Variants in FARS2 observed in about 807,000 individuals in gnomAD.
FARS2 encodes the protein phenylalanine--tRNA ligase, mitochondrial.
Under a neutral mutation model 46.4 loss-of-function variants are expected in FARS2, and 40 were observed. That is an observed-to-expected ratio of 0.86 (90% confidence interval 0.67 to 1.12). The LOEUF (loss-of-function observed/expected upper bound fraction) is 1.12, where lower values mean the gene tolerates loss of function less well. Among genes scored for constraint, FARS2 ranks in the 50% most tolerant of loss-of-function variants. FARS2 has a pLI of 0.00. For missense variants in FARS2, 513 were observed against 567.9 expected (o/e 0.90, Z 0.98); for synonymous variants, 234 against 214.9 (o/e 1.09, Z -0.78).
chr6:5,482,262 C>A (rs1237142715), intron 4 of FARS2, among the ~76,000 whole-genome samples: 2 of 152,072 alleles, frequency 1.3e-5, no homozygotes, highest in African/African-American at 4.8e-5. Context: ...TCCATATTAT[C>A]TTTCAATTAT....
rs138849019 is a variant in FARS2 at position 5,402,919 on chromosome 6, C to T, written c.613-1623C>T. 2.7e-4 allele frequency among the ~76,000 whole-genome samples: 41 copies of T among 152,274 alleles called. No homozygotes were observed. In the East Asian group the frequency reaches 6.6e-3, roughly 24 times the overall value. On this transcript the variant is annotated intron_variant, in intron 2 of 6. Transcript: ENST00000274680. ...ACCTTAGCACCTCACTCATTCTCCT[C>T]TCTTTCTCTTATTTTTTCCAGCTTG... is the stretch of plus-strand genomic sequence containing the variant.
intron 6 of FARS2, among the ~76,000 whole-genome samples, chr6:5,715,089 G>A (rs1759414744): frequency 6.6e-6 from 1 of 152,002 alleles, no homozygotes; most frequent in Non-Finnish European, 1.5e-5. Flanking sequence ...ACACTCTTCT[G>A]TGTGCCTTAA....
At chr6:5,657,308 G>C (rs1166053995) in intron 6 of FARS2, among the ~76,000 whole-genome samples, 2 of 152,188 alleles carry the variant, frequency 1.3e-5, no homozygotes, top group Admixed American at 6.5e-5. Context: ...ACGAGGGCCT[G>C]TGAGTTTAAA....
At chr6:5,408,931 G>A (rs1026337786) in intron 3 of FARS2, among the ~76,000 whole-genome samples, 1 of 152,138 alleles carries the variant, frequency 6.6e-6, no homozygotes, top group African/African-American at 2.4e-5. Flanking sequence ...CCATGTGCTG[G>A]CCTCTGTATA....
rs183859013 is a variant in FARS2, at chr6:5,753,008, A to T, written c.1218-18283A>T. On this transcript the variant is annotated intron_variant, in intron 6 of 6. Transcript: ENST00000274680. Reference sequence around the variant, plus strand: ...GACCCTCCCAGCTCTCAGTTTCCTGATTGTTACTGTAAGCGTAATGCTCTG... The same window carrying T: ...GACCCTCCCAGCTCTCAGTTTCCTGTTTGTTACTGTAAGCGTAATGCTCTG... 1.3e-3 allele frequency among the ~76,000 whole-genome samples: 195 copies of T among 152,236 alleles called. 2 individuals carry two copies. The highest frequency in any genetic ancestry group is 4.6e-3 in the African/African-American group (191 of 41,536).
intron 6 of FARS2, among the ~76,000 whole-genome samples, chr6:5,674,407 G>C (rs909146874): frequency 6.6e-6 from 1 of 152,024 alleles, no homozygotes; most frequent in African/African-American, 2.4e-5. Flanking sequence ...GGGATATTAA[G>C]AGAAAGACTT....
chr6:5,384,822 A>G (rs1760016129), intron 2 of FARS2, among the ~76,000 whole-genome samples: 1 of 151,580 alleles, frequency 6.6e-6, no homozygotes, highest in Admixed American at 6.6e-5. Context: ...CCACCAATGT[A>G]TTTTTGTAGC....
At chr6:5,281,000 T>C (rs1422814995) in intron 1 of FARS2, among the ~76,000 whole-genome samples, 3 of 152,244 alleles carry the variant, frequency 2.0e-5, no homozygotes, top group Admixed American at 6.5e-5. Flanking sequence ...TGGCTGGAGC[T>C]ATCCTGGACT....
chr6:5,628,754 C>T (rs1207049005), intron 6 of FARS2, among the ~76,000 whole-genome samples: 2 of 152,148 alleles, frequency 1.3e-5, no homozygotes, highest in East Asian at 1.9e-4. Context: ...GGTGTTCTGG[C>T]GCCCAGCCGC....
chr6:5,697,665 A>G (rs1043884463), intron 6 of FARS2, among the ~76,000 whole-genome samples: 2 of 152,244 alleles, frequency 1.3e-5, no homozygotes, highest in Admixed American at 1.3e-4. Flanking sequence ...AGATATAACT[A>G]AAATTGATGA....
At chr6:5,683,687 T>C (rs569010048) in intron 6 of FARS2, among the ~76,000 whole-genome samples, 3 of 152,066 alleles carry the variant, frequency 2.0e-5, no homozygotes, top group Middle Eastern at 3.4e-3. Flanking sequence ...TGTGCCATGG[T>C]GGTTTGCTGC....
chr6:5,667,148 C>A (rs1778169259), intron 6 of FARS2, among the ~76,000 whole-genome samples: 1 of 152,088 alleles, frequency 6.6e-6, no homozygotes, highest in Non-Finnish European at 1.5e-5. Context: ...TACCAAACCC[C>A]CATGACACAA....
intron 6 of FARS2, among the ~76,000 whole-genome samples, chr6:5,620,915 C>T (rs536199507): frequency 4.6e-5 from 7 of 152,266 alleles, no homozygotes; most frequent in Non-Finnish European, 1.0e-4. Context: ...ACTGTTCTTA[C>T]ACATCCTTCT....
chr6:5,615,795 A>G (rs1037118657), intron 6 of FARS2, among the ~76,000 whole-genome samples: 8 of 151,942 alleles, frequency 5.3e-5, no homozygotes, highest in African/African-American at 1.2e-4. Context: ...TAGACATTCA[A>G]CCTAGCTTGT....
rs371432471 is a variant in FARS2, at chr6:5,366,618, C to T, written c.-21-1932C>T. On this transcript the variant is annotated intron_variant, in intron 1 of 6. Coordinates refer to ENST00000274680, the MANE Select transcript of FARS2 (RefSeq NM_006567.5). ...GCGTGAGGAGAGCAAGGAAGGGACACGAGGCTGGGGCACATCCCTGGGAAT... is the reference window on the plus strand; with the variant it reads ...GCGTGAGGAGAGCAAGGAAGGGACATGAGGCTGGGGCACATCCCTGGGAAT... 3.9e-4 allele frequency among the ~76,000 whole-genome samples: 59 copies of T among 150,954 alleles called. No individual in the cohort carries two copies. The South Asian group carries it at 9.3e-3, about 24-fold the overall frequency.
intron 1 of FARS2, among the ~76,000 whole-genome samples, chr6:5,270,252 G>A (rs138830788): frequency 6.6e-6 from 1 of 152,264 alleles, no homozygotes; most frequent in African/African-American, 2.4e-5. Flanking sequence ...TTTATTTCAA[G>A]TCTTGGAGCA....
intron 5 of FARS2, among the ~76,000 whole-genome samples, chr6:5,560,074 C>T (rs972805306): frequency 6.6e-6 from 1 of 152,114 alleles, no homozygotes; most frequent in African/African-American, 2.4e-5. Context: ...GTGATTCTTT[C>T]ATTCTTTTTG....
intron 6 of FARS2, among the ~76,000 whole-genome samples, chr6:5,717,924 A>G (rs1295693629): frequency 2.3e-5 from 3 of 129,758 alleles, no homozygotes; most frequent in Admixed American, 1.4e-4. Context: ...ATATATATAT[A>G]TATATATATA....
chr6:5,355,837 T>G (rs912580241), intron 1 of FARS2, among the ~76,000 whole-genome samples: 2 of 152,208 alleles, frequency 1.3e-5, no homozygotes, highest in Non-Finnish European at 2.9e-5. Flanking sequence ...TGGAGACACC[T>G]ACTATGATCA....
Sources: allele counts gnomAD v4.1 joint callset (sites outside exome capture counted in the v4.1 genomes callset), GRCh38; gene constraint gnomAD v4.1.1; transcripts MANE v1.5; gene names NCBI Gene and HGNC (gene_info 2026-07-23, HGNC 2026-07-21).